The following NDE1 variants were observed in gnomAD, a reference collection of about 807,000 sequenced individuals.
The protein encoded by NDE1 is nuclear distribution protein nudE homolog 1.
NDE1 carries 28 observed loss-of-function variants against 43.4 expected under a neutral mutation model. The observed-to-expected ratio is 0.65, with a 90% CI of 0.48 to 0.89. NDE1 has a LOEUF of 0.89. Ranked by LOEUF, NDE1 falls within the 40% of genes least tolerant of loss-of-function variation. The pLI, the probability that NDE1 is intolerant of heterozygous loss-of-function variation, is 0.00. For synonymous variants in NDE1, 184 were observed against 172.0 expected, an observed-to-expected ratio of 1.07 and a Z score of -0.55; for missense variants, 441 against 434.1, an observed-to-expected ratio of 1.02 and a Z score of -0.14.
At chr16:15,714,014 G>A (rs2039972674) in intron 8 of NDE1, 1 of 152,336 alleles carries the variant, frequency 6.6e-6, no homozygotes, top group Non-Finnish European at 1.5e-5. Flanking sequence ...GCTCCTAGGA[G>A]TACTGGTTGG....
At chr16:15,660,495 C>T (rs746190972) in intron 1 of NDE1, among the ~76,000 whole-genome samples, 9 of 152,108 alleles carry the variant, frequency 5.9e-5, no homozygotes, top group Non-Finnish European at 1.2e-4. Flanking sequence ...TTGCTTCCCT[C>T]ACCTCTGCTG....
At chr16:15,706,087 G>C (rs1291110087) in intron 8 of NDE1, among the ~76,000 whole-genome samples, 1 of 151,964 alleles carries the variant, frequency 6.6e-6, no homozygotes, top group Non-Finnish European at 1.5e-5. Flanking sequence ...AGAGACCCCG[G>C]CTGGGAAAGC....
chr16:15,667,339 A>G lies in NDE1; in HGVS notation c.137A>G (p.Tyr46Cys), dbSNP rs1567627474. The change falls in exon 3 of 9, where the codon TAT becomes TGT. Residue 46 changes from tyrosine to cysteine, a missense_variant. Coordinates refer to ENST00000396354, the MANE Select transcript of NDE1 (RefSeq NM_017668.3). ...LREFQEGSREYEAELETQLQQ... is the reference protein window; with the variant it reads ...LREFQEGSRECEAELETQLQQ... ...GAATTCCAGGAGGGAAGCCGAGAAT[A>G]TGAAGCTGAATTGGAGACGCAGCTG... The G allele has an allele frequency of 1.9e-6, 3 of 1,614,196 alleles. No individual in the cohort carries two copies. The highest frequency in any genetic ancestry group is 2.5e-6 in the Non-Finnish European group (3 of 1,180,040).
At chr16:15,699,519 T>C (rs1464586235) in intron 8 of NDE1, 6 of 1,151,266 alleles carry the variant, frequency 5.2e-6, no homozygotes, top group Non-Finnish European at 6.5e-6. Context: ...ATTTTTCTAG[T>C]GGGTCTGAGA....
At chr16:15,714,739 C>T in intron 8 of NDE1, 1 of 860,488 alleles carries the variant, frequency 1.2e-6, no homozygotes, top group Non-Finnish European at 1.9e-6. Flanking sequence ...GGTCTGATCT[C>T]AGTGCCTGGC....
intron 8 of NDE1, among the ~76,000 whole-genome samples, chr16:15,709,345 C>CT (rs1328556139): frequency 5.9e-5 from 9 of 152,078 alleles, no homozygotes; most frequent in African/African-American, 1.2e-4. Context: ...TTTTGATACT[C>CT]TGTCACCCAG....
chr16:15,669,788 C>T (rs543880935), intron 3 of NDE1, among the ~76,000 whole-genome samples: 45 of 152,338 alleles, frequency 3.0e-4, no homozygotes, highest in African/African-American at 1.0e-3. Context: ...AGTCACCCCG[C>T]CTGACCACAC....
intron 8 of NDE1, among the ~76,000 whole-genome samples, chr16:15,704,800 C>A (rs2039362087): frequency 6.6e-6 from 1 of 151,938 alleles, no homozygotes; most frequent in Admixed American, 6.6e-5. Context: ...AAACAGGTGC[C>A]CAGTGAATAT....
At chr16:15,651,601 C>G (rs1417339149) in intron 1 of NDE1, 1 of 152,112 alleles carries the variant, frequency 6.6e-6, no homozygotes, top group African/African-American at 2.4e-5. Context: ...GCCACCACGC[C>G]TGGCTAATTT....
chr16:15,716,664 G>C (rs1440595036), intron 8 of NDE1, among the ~76,000 whole-genome samples: 1 of 152,172 alleles, frequency 6.6e-6, no homozygotes, highest in Non-Finnish European at 1.5e-5. Flanking sequence ...TGAGATAATA[G>C]GCATGTGCCA....
chr16:15,652,148 T>G (rs2036536426), intron 1 of NDE1: 1 of 152,180 alleles, frequency 6.6e-6, no homozygotes, highest in Non-Finnish European at 1.5e-5. Context: ...TCTGCCCACC[T>G]CAGCCTCCCA....
chr16:15,669,686 G>A (rs2037494778), intron 3 of NDE1, among the ~76,000 whole-genome samples: 1 of 151,804 alleles, frequency 6.6e-6, no homozygotes, highest in South Asian at 2.1e-4. Context: ...GCAAGGACGA[G>A]GTTTCACCAT....
chr16:15,645,649 A>T (rs2036317250), upstream of NDE1, among the ~76,000 whole-genome samples: 1 of 152,220 alleles, frequency 6.6e-6, no homozygotes, highest in African/African-American at 2.4e-5. Flanking sequence ...TTCTCTTAAG[A>T]TATATTTTAA....
chr16:15,663,508 C>T (rs964225618), intron 1 of NDE1, among the ~76,000 whole-genome samples: 1 of 152,030 alleles, frequency 6.6e-6, no homozygotes, highest in African/African-American at 2.4e-5. Context: ...TCCCAGTGTG[C>T]TGGGATTACA....
At chr16:15,697,355 T>G (rs536089050) in intron 8 of NDE1, among the ~76,000 whole-genome samples, 2 of 152,234 alleles carry the variant, frequency 1.3e-5, no homozygotes, top group South Asian at 4.1e-4. Flanking sequence ...GAAGGTCATT[T>G]TTATCATTTG....
At chr16:15,710,427 A>G (rs146931376) in intron 8 of NDE1, among the ~76,000 whole-genome samples, 5,238 of 152,256 alleles carry the variant, frequency 0.034, 306 homozygotes, top group African/African-American at 0.12. Context: ...AGGCTGAGGC[A>G]GGAGAATCGC....
chr16:15,706,007 C>CAAAAAAAAAAAAAAAAAAA (rs1555547379), intron 8 of NDE1, among the ~76,000 whole-genome samples: 4 of 66,256 alleles, frequency 6.0e-5, no homozygotes, highest in African/African-American at 1.6e-4. Context: ...AAAAAAAAAT[C>CAAAAAAAAAAAAAAAAAAA]AAGGCCCAGA....
At chr16:15,657,787 A>G (rs1485629640) in intron 1 of NDE1, among the ~76,000 whole-genome samples, 1 of 151,664 alleles carries the variant, frequency 6.6e-6, no homozygotes, top group East Asian at 1.9e-4. Context: ...TTTTTAGTAG[A>G]CACGGGGTTT....
intron 1 of NDE1, among the ~76,000 whole-genome samples, chr16:15,657,463 A>G (rs2036828478): frequency 6.6e-5 from 10 of 152,140 alleles, no homozygotes; most frequent in Admixed American, 6.5e-4. Context: ...TATTGTTGCT[A>G]TAGAATTGGT....
Sources: gnomAD v4.1 joint callset for allele counts (sites outside exome capture counted in the v4.1 genomes callset) on GRCh38, gnomAD v4.1.1 for gene constraint, MANE v1.5 for transcripts, NCBI Gene and HGNC (gene_info 2026-07-23, HGNC 2026-07-21) for gene names.